The following SF3A3 variants were observed in gnomAD, a reference collection of about 807,000 sequenced individuals.
The protein encoded by SF3A3 is SAP 61.
In SF3A3, 9 loss-of-function variants were observed where a neutral mutation model predicts 85.8. That is an observed-to-expected ratio of 0.10 (90% confidence interval 0.06 to 0.18). SF3A3 has a LOEUF of 0.18. Among genes scored for constraint, SF3A3 ranks in the 10% least tolerant of loss-of-function variants. The pLI is 1.00. For missense variants in SF3A3, 306 were observed against 593.3 expected (o/e 0.52, Z 5.03); for synonymous variants, 195 against 204.4 (o/e 0.95, Z 0.39).
chr1:37,968,069 C>A lies in SF3A3; in HGVS notation c.1347G>T (p.Val449=). 1.2e-6 allele frequency: 2 copies of A among 1,612,408 alleles called. No individual in the cohort carries two copies. The highest frequency in any genetic ancestry group is 2.2e-5 in the South Asian group (2 of 91,008). The change falls in exon 15 of 17, where the codon GTG becomes GTT. Residue 449 remains valine (V), a synonymous_variant. Transcript: ENST00000373019. ...GIPNTAHFAN[V]TQIEDAVSLW... is the part of the protein sequence containing the mutation. ...AGGAGACAGCATCTTCAATCTGTGT[C>A]ACATTAGCAAAGTGAGCAGTGTTTG...
rs748961645 is a variant in SF3A3 at position 37,980,665 on chromosome 1, T to C, written c.611A>G (p.Gln204Arg). ...CTTCCCAAAAAGTTCATTCTGATCT[T>C]GGAGAGGCTTCACTCTATCTGTGTA... ...QDYTDRVKPL[Q>R]DQNELFGKIQ... The change falls in exon 8 of 17, where the codon CAA becomes CGA. Residue 204 changes from glutamine (Q) to arginine (R), a missense_variant. Gln to Arg is a conservative substitution (Grantham distance 43). This residue lies in a region of SF3A3 where 136 missense variants were observed against 296.6 expected (regional missense o/e 0.46). Coordinates refer to ENST00000373019, the MANE Select transcript of SF3A3 (RefSeq NM_006802.4). 1.5e-5 allele frequency: 24 copies of C among 1,613,966 alleles called. No individual in the cohort carries two copies. The highest frequency in any genetic ancestry group is 1.8e-5 in the Non-Finnish European group (21 of 1,179,988).
At chr1:37,960,881 C>T (rs1466269896) in intron 15 of SF3A3, among the ~76,000 whole-genome samples, 1 of 152,062 alleles carries the variant, frequency 6.6e-6, no homozygotes, top group African/African-American at 2.4e-5. Flanking sequence ...TCTCCATCTC[C>T]TGACCTCGTG....
chr1:37,958,267 A>G lies in SF3A3; in HGVS notation c.1429-4T>C, dbSNP rs763973822. ...CACTTGAGTCTTCATATTCTTCCTG[A>G]AAAGGAAGGGGTACACTTTGTTAGA... On this transcript the variant is annotated splice_region_variant and splice_polypyrimidine_tract_variant and intron_variant, in intron 16 of 16. Transcript: ENST00000373019. The G allele has an allele frequency of 2.3e-5, 36 of 1,599,722 alleles. No homozygotes were observed. Among genetic ancestry groups the G allele is most frequent in the Non-Finnish European group, 2.8e-5 (33 of 1,166,802 alleles).
chr1:37,989,742 G>T, intron 1 of SF3A3, 128 bp downstream of exon 1: 1 of 1,228,966 alleles, frequency 8.1e-7, no homozygotes, highest in Non-Finnish European at 1.2e-6. Flanking sequence ...AGGTTACCAA[G>T]ACCGGAGCTC....
At chr1:37,989,654 C>T in intron 1 of SF3A3, 59 bp from the exon 2 acceptor site, 1 of 1,584,634 alleles carries the variant, frequency 6.3e-7, no homozygotes, top group Non-Finnish European at 8.6e-7. Flanking sequence ...TAGAAAAGGC[C>T]GCCCGAGGGC....
At position 37,989,770 on chromosome 1, in the gene SF3A3, G is replaced by C. The variant is rs552003671; in HGVS notation, c.96+100C>G. ...CGGAGCTCGGAGAGGGAGCCCGGAG[G>C]AAGGCAGGGAGGTTCTGAGGGCCAA... is the stretch of plus-strand genomic sequence containing the variant. On this transcript the variant is annotated intron_variant, in intron 1 of 16. Coordinates refer to ENST00000373019, the MANE Select transcript of SF3A3 (RefSeq NM_006802.4). The C allele has an allele frequency of 4.5e-4, 556 of 1,234,872 alleles. 10 individuals are homozygous for C. In the South Asian group the frequency reaches 6.7e-3, roughly 15 times the overall value. 76.5% of individuals were successfully genotyped at this position (1,234,872 alleles called of 1,614,324 possible).
At chr1:37,966,350 A>G (rs1369835848) in intron 15 of SF3A3, among the ~76,000 whole-genome samples, 1 of 152,220 alleles carries the variant, frequency 6.6e-6, no homozygotes, top group Non-Finnish European at 1.5e-5. Flanking sequence ...GTGCTTCAGC[A>G]GCACATTCCC....
chr1:37,975,076 CATA>C (rs1646370519), intron 12 of SF3A3, among the ~76,000 whole-genome samples: 1 of 152,152 alleles, frequency 6.6e-6, no homozygotes, highest in Admixed American at 6.6e-5. Context: ...AAAAAATTTG[CATA>C]ATGTCCAAAA....
chr1:37,966,307 G>A (rs888775202), intron 15 of SF3A3, among the ~76,000 whole-genome samples: 1 of 152,246 alleles, frequency 6.6e-6, no homozygotes, highest in African/African-American at 2.4e-5. Context: ...TACTACTGCT[G>A]GGAAAACAGG....
At position 37,989,861 on chromosome 1, in the gene SF3A3, C is replaced by T. The variant is rs760523834; in HGVS notation, c.96+9G>A. 2.5e-6 allele frequency: 4 copies of T among 1,601,084 alleles called. No homozygotes were observed. The highest frequency in any genetic ancestry group is 2.2e-5 in the South Asian group (2 of 90,830). ...CTCCTGCCGCAGCCTCTGCTCAGGCCCCACTCACCGTGGACTTCTTGGTGA... is the reference window on the plus strand; with the variant it reads ...CTCCTGCCGCAGCCTCTGCTCAGGCTCCACTCACCGTGGACTTCTTGGTGA... On this transcript the variant is annotated intron_variant, in intron 1 of 16. Transcript: ENST00000373019.
At chr1:37,973,343 C>T (rs895458819) in intron 12 of SF3A3, among the ~76,000 whole-genome samples, 1 of 152,144 alleles carries the variant, frequency 6.6e-6, no homozygotes, top group South Asian at 2.1e-4. Context: ...CCAAAACTGA[C>T]AAATCGGATG....
At chr1:37,970,649 C>A (rs1646332666) in intron 12 of SF3A3, among the ~76,000 whole-genome samples, 1 of 152,210 alleles carries the variant, frequency 6.6e-6, no homozygotes, top group African/African-American at 2.4e-5. Context: ...GAAATTATAA[C>A]AAACTGTCTC....
intron 11 of SF3A3, among the ~76,000 whole-genome samples, chr1:37,978,074 G>A (rs1203585472): frequency 3.3e-5 from 5 of 151,308 alleles, no homozygotes; most frequent in Non-Finnish European, 5.9e-5. Context: ...ACGGTGGCTC[G>A]CGCCTATAAT....
rs72923704 is a variant in SF3A3 at position 37,984,127 on chromosome 1, A to C, written c.468+42T>G. 3,477 of 1,099,978 alleles carry C rather than the reference A, an allele frequency of 3.2e-3. 88 individuals are homozygous for C. The African/African-American group carries it at 0.047, about 15-fold the overall frequency. The allele number at this position is 1,099,978 out of a possible 1,614,324, so 68.1% of individuals were successfully genotyped here. A position where few individuals can be genotyped will look rare whatever the true frequency, so the allele number is the denominator to read the frequency against. ...TAGTTCCAGCCTACTGTCCTGACTCACTTCGAGAATCAGAACCTCTCTGCC... is the reference window on the plus strand; with the variant it reads ...TAGTTCCAGCCTACTGTCCTGACTCCCTTCGAGAATCAGAACCTCTCTGCC... On this transcript the variant is annotated intron_variant, in intron 6 of 16. Transcript: ENST00000373019.
At chr1:37,980,841 CTTTTT>C (rs760972269) in intron 7 of SF3A3, 117 bp from the exon 8 acceptor site, 867 of 95,006 alleles carry the variant, frequency 9.1e-3, no homozygotes, top group South Asian at 0.012. Context: ...TTTTAATACT[CTTTTT>C]TTTTTTTTTT....
In SF3A3 at chr1:37,956,994, T is replaced by A. The variant is rs149145630; in HGVS notation, c.*1192A>T. The A allele has an allele frequency of 1.5e-4, 22 of 150,410 alleles. No homozygotes were observed. The highest frequency in any genetic ancestry group is 5.3e-4 in the African/African-American group (21 of 39,842). The allele number at this position is 150,410 out of a possible 1,614,324, so 9.3% of individuals were successfully genotyped here. On this transcript the variant is annotated 3_prime_UTR_variant, in exon 17 of 17. Transcript: ENST00000373019. Reference sequence around the variant, plus strand: ...TTAACATTTTTTTAAAAAGTAGATTTATTAAAAAACAGTTGAAGGTCTGAG... The same window carrying A: ...TTAACATTTTTTTAAAAAGTAGATTAATTAAAAAACAGTTGAAGGTCTGAG...
At chr1:37,959,979 G>C (rs937335527) in intron 16 of SF3A3, 141 bp downstream of exon 16, 61 of 476,424 alleles carry the variant, frequency 1.3e-4, no homozygotes, top group Non-Finnish European at 1.9e-4. Flanking sequence ...AAAAAAAAAA[G>C]GAAAAGTCAA....
intron 11 of SF3A3, 145 bp downstream of exon 11, chr1:37,978,575 T>C: frequency 1.7e-6 from 1 of 599,720 alleles, no homozygotes; most frequent in Non-Finnish European, 3.0e-6. Context: ...TACTCTCTGC[T>C]ATTAGCAGAG....
chr1:37,984,132 G>A lies in SF3A3; in HGVS notation c.468+37C>T, dbSNP rs551627806. The A allele has an allele frequency of 4.8e-4, 576 of 1,203,252 alleles. 6 individuals carry two copies. The South Asian group carries it at 6.2e-3, about 13-fold the overall frequency. 74.5% of individuals were successfully genotyped at this position (1,203,252 alleles called of 1,614,324 possible). ...CCAGCCTACTGTCCTGACTCACTTC[G>A]AGAATCAGAACCTCTCTGCCCTTTC... On this transcript the variant is annotated intron_variant, in intron 6 of 16. Coordinates refer to ENST00000373019, the MANE Select transcript of SF3A3 (RefSeq NM_006802.4).
Sources: gnomAD v4.1 joint callset for allele counts (sites outside exome capture counted in the v4.1 genomes callset) on GRCh38, gnomAD v4.1.1 for gene constraint, gnomAD v4.1.1 regional missense constraint, MANE v1.5 for transcripts, NCBI Gene and HGNC (gene_info 2026-07-23, HGNC 2026-07-21) for gene names.